Variants in SPEF2 observed in about 807,000 individuals in gnomAD.
SPEF2 encodes the protein sperm flagellar and cilia associated 2, also known as sperm flagella and cilia-associated protein 2.
SPEF2 carries 187 observed loss-of-function variants against 224.6 expected under a neutral mutation model. The ratio of observed to expected loss-of-function variants is 0.83; its 90% CI spans 0.74 to 0.94. The LOEUF (loss-of-function observed/expected upper bound fraction) is 0.94, where lower values mean the gene tolerates loss of function less well. Among genes scored for constraint, SPEF2 ranks in the 40% least tolerant of loss-of-function variants. The pLI, the probability that SPEF2 is intolerant of heterozygous loss-of-function variation, is 0.00. For synonymous variants in SPEF2, 715 were observed against 707.3 expected (o/e 1.01, Z -0.17); for missense variants, 2,170 against 2,135.6 (o/e 1.02, Z -0.32).
chr5:35,747,933 G>A (rs772107105), intron 23 of SPEF2, among the ~76,000 whole-genome samples: 3 of 152,046 alleles, frequency 2.0e-5, no homozygotes, highest in African/African-American at 7.2e-5. Flanking sequence ...CATATGATAG[G>A]CTATAAAACA....
At chr5:35,779,534 A>C (rs931603092) in intron 30 of SPEF2, among the ~76,000 whole-genome samples, 188 bp downstream of exon 30, 1 of 152,200 alleles carries the variant, frequency 6.6e-6, no homozygotes, top group Non-Finnish European at 1.5e-5. Context: ...AGCAGGACCC[A>C]CTGTGAATAA....
chr5:35,804,025 G>T (rs1027451412), intron 34 of SPEF2, among the ~76,000 whole-genome samples: 1 of 151,968 alleles, frequency 6.6e-6, no homozygotes, highest in African/African-American at 2.4e-5. Context: ...GTGGCGTGGG[G>T]TTAGTAAATT....
At chr5:35,736,395 A>G (rs2149680455) in intron 21 of SPEF2, among the ~76,000 whole-genome samples, 1 of 152,240 alleles carries the variant, frequency 6.6e-6, no homozygotes, top group East Asian at 1.9e-4. Context: ...ATGGCTGGGG[A>G]GGCCTTAGGA....
chr5:35,809,455 T>G (rs1758404854), intron 36 of SPEF2, among the ~76,000 whole-genome samples: 1 of 152,088 alleles, frequency 6.6e-6, no homozygotes, highest in African/African-American at 2.4e-5. Flanking sequence ...TCTTGAACGA[T>G]AGCCAGGGTT....
intron 17 of SPEF2, among the ~76,000 whole-genome samples, chr5:35,704,937 C>G (rs1239170971): frequency 6.6e-6 from 1 of 152,060 alleles, no homozygotes; most frequent in Non-Finnish European, 1.5e-5. Flanking sequence ...TATATGGAAT[C>G]CTGATTCAGC....
intron 23 of SPEF2, among the ~76,000 whole-genome samples, chr5:35,744,981 T>C (rs1218128786): frequency 6.6e-6 from 1 of 152,120 alleles, no homozygotes. Context: ...AGTGCCCTAG[T>C]GCGGCAGTGG....
chr5:35,687,418 T>C (rs901889369), intron 10 of SPEF2, among the ~76,000 whole-genome samples: 7 of 150,334 alleles, frequency 4.7e-5, no homozygotes, highest in African/African-American at 1.8e-4. Context: ...TAAAGTATTT[T>C]TAATGGATTT....
intron 21 of SPEF2, among the ~76,000 whole-genome samples, chr5:35,728,268 C>T (rs530655629): frequency 3.2e-4 from 48 of 150,878 alleles, no homozygotes; most frequent in Non-Finnish European, 5.4e-4. Context: ...AAAGAACAGA[C>T]AGCTATCTGA....
rs371413704 is a variant in SPEF2, at chr5:35,700,740, A to T, written c.2386A>T (p.Asn796Tyr). 6.4e-5 allele frequency: 104 copies of T among 1,613,770 alleles called. No homozygotes were observed. The Admixed American group carries it at 7.7e-4, about 12-fold the overall frequency. ...VSDTSSMSRMNDIIAEELSYK... is the reference protein window; with the variant it reads ...VSDTSSMSRMYDIIAEELSYK... Reference sequence around the variant, plus strand: ...AGATACTTCCTCAATGAGTCGCATGAATGATATTATAGGTAAGCTGGACAC... The same window carrying T: ...AGATACTTCCTCAATGAGTCGCATGTATGATATTATAGGTAAGCTGGACAC... Residue 796 changes from asparagine (N) to tyrosine (Y), a missense_variant, in exon 16 of 37, where the codon AAT (asparagine) becomes TAT (tyrosine). Coordinates refer to ENST00000356031, the MANE Select transcript of SPEF2 (RefSeq NM_024867.4).
intron 6 of SPEF2, among the ~76,000 whole-genome samples, chr5:35,649,728 C>T (rs990604122): frequency 1.7e-4 from 26 of 152,142 alleles, no homozygotes; most frequent in African/African-American, 6.0e-4. Flanking sequence ...TTTCAAGGTA[C>T]CACTAATTTA....
chr5:35,742,418 C>T (rs1344025661), intron 23 of SPEF2, among the ~76,000 whole-genome samples: 1 of 151,948 alleles, frequency 6.6e-6, no homozygotes, highest in Admixed American at 6.5e-5. Context: ...GAAAACTTTA[C>T]ACAGTAAGAA....
chr5:35,788,378 A>C, intron 30 of SPEF2: 1 of 703,040 alleles, frequency 1.4e-6, no homozygotes, highest in Non-Finnish European at 2.6e-6. Context: ...ATCAGCAAGA[A>C]TGTTTACATA....
chr5:35,640,580 A>G (rs1215304809), intron 2 of SPEF2, among the ~76,000 whole-genome samples: 1 of 152,184 alleles, frequency 6.6e-6, no homozygotes, highest in East Asian at 1.9e-4. Context: ...GAAGACCTTT[A>G]AAAAAGTATA....
Position 35,710,848 on chromosome 5 carries a change from A to G in SPEF2, c.2839+1727A>G, listed in dbSNP as rs992394407. On this transcript the variant is annotated intron_variant, in intron 19 of 36. Transcript: ENST00000356031. ...GAAATAATAAATCTATTGTTGCTTT[A>G]AAGAGTGGTTGTACTTGTCTTTTTT... is the stretch of plus-strand genomic sequence containing the variant. The G allele has an allele frequency of 3.5e-5, 34 of 985,296 alleles. No individual in the cohort carries two copies. In the African/African-American group the frequency reaches 5.8e-4, roughly 17 times the overall value. 61.0% of individuals were successfully genotyped at this position (985,296 alleles called of 1,614,324 possible).
chr5:35,638,140 A>G (rs1394096946), intron 2 of SPEF2, among the ~76,000 whole-genome samples: 1 of 152,190 alleles, frequency 6.6e-6, no homozygotes, highest in African/African-American at 2.4e-5. Context: ...GGCTTAACAT[A>G]GGCCTGGTGC....
intron 25 of SPEF2, among the ~76,000 whole-genome samples, chr5:35,761,039 G>A (rs1009461847): frequency 5.9e-5 from 9 of 152,000 alleles, no homozygotes; most frequent in African/African-American, 1.9e-4. Flanking sequence ...TAATATAAAG[G>A]CACTGAAGAT....
chr5:35,800,241 C>T (rs772607899), intron 34 of SPEF2, 94 bp downstream of exon 34: 54 of 1,349,152 alleles, frequency 4.0e-5, no homozygotes, highest in African/African-American at 7.3e-5. Context: ...TTTTCATCTC[C>T]GTATTTTCCT....
At chr5:35,630,158 A>G (rs535271080) in intron 2 of SPEF2, among the ~76,000 whole-genome samples, 7 of 151,666 alleles carry the variant, frequency 4.6e-5, no homozygotes, top group East Asian at 1.9e-4. Flanking sequence ...TCAGGGTACA[A>G]CCCCCCTCCT....
intron 2 of SPEF2, among the ~76,000 whole-genome samples, chr5:35,640,269 A>G (rs1454557662): frequency 6.6e-6 from 1 of 152,176 alleles, no homozygotes; most frequent in East Asian, 1.9e-4. Flanking sequence ...CCAAGGTTAT[A>G]ACCCAGACCA....
Sources: gnomAD v4.1 joint callset for allele counts (sites outside exome capture counted in the v4.1 genomes callset) on GRCh38, gnomAD v4.1.1 for gene constraint, MANE v1.5 for transcripts, NCBI Gene and HGNC (gene_info 2026-07-23, HGNC 2026-07-21) for gene names.